GTF2E2: variants seen among roughly 807,000 people sequenced by gnomAD.
GTF2E2 encodes the protein transcription initiation factor IIE subunit beta.
In GTF2E2, 21 loss-of-function variants were observed where a neutral mutation model predicts 40.5. That is an observed-to-expected ratio of 0.52 (90% CI 0.37 to 0.75). The LOEUF (loss-of-function observed/expected upper bound fraction) is 0.75, where lower values mean the gene tolerates loss of function less well. Ranked by LOEUF, GTF2E2 falls within the 30% of genes least tolerant of loss-of-function variation. The pLI, the probability that GTF2E2 is intolerant of heterozygous loss-of-function variation, is 0.00. For missense variants in GTF2E2, 298 were observed against 338.4 expected, an observed-to-expected ratio of 0.88 and a Z score of 0.94; for synonymous variants, 117 against 121.6, an observed-to-expected ratio of 0.96 and a Z score of 0.25.
chr8:30,646,631 A>G (rs1256537547), intron 2 of GTF2E2, among the ~76,000 whole-genome samples: 3 of 152,180 alleles, frequency 2.0e-5, no homozygotes, highest in African/African-American at 7.2e-5. Flanking sequence ...ATAACAAAAA[A>G]TTGAAAATAA....
intron 2 of GTF2E2, 98 bp from the exon 3 acceptor site, chr8:30,635,221 T>C (rs1585989437): frequency 3.0e-6 from 2 of 677,284 alleles, no homozygotes; most frequent in East Asian, 5.3e-5. Context: ...TTTCTTGAGT[T>C]TTTCATCTAG....
In GTF2E2 at chr8:30,635,121, G is replaced by A; in HGVS notation, c.169C>T (p.His57Tyr). ...GSSGSKQNSD[H>Y]SNGSFNLKAL... Reference sequence around the variant, plus strand: ...TTCAAGTTAAATGATCCATTGCTATGATCTGCAAATGAAGTTCAAAATAAC... The same window carrying A: ...TTCAAGTTAAATGATCCATTGCTATAATCTGCAAATGAAGTTCAAAATAAC... Residue 57 changes from histidine (H) to tyrosine (Y), a missense_variant and splice_region_variant, in exon 3 of 8, where the codon CAT becomes TAT. By Grantham distance (83) the His-to-Tyr change is moderately conservative (BLOSUM62 2). Transcript: ENST00000355904. The A allele has an allele frequency of 6.4e-7, 1 of 1,572,056 alleles. No homozygotes were observed. Among genetic ancestry groups the A allele is most frequent in the Non-Finnish European group, 8.7e-7 (1 of 1,144,024 alleles).
intron 6 of GTF2E2, among the ~76,000 whole-genome samples, chr8:30,590,130 T>TCTG (rs1247081495): frequency 1.3e-5 from 2 of 152,170 alleles, no homozygotes; most frequent in Non-Finnish European, 2.9e-5. Flanking sequence ...CAGCCCCTGA[T>TCTG]CTGTTTCTAT....
At chr8:30,625,251 C>T (rs940835023) in intron 3 of GTF2E2, among the ~76,000 whole-genome samples, 2 of 151,960 alleles carry the variant, frequency 1.3e-5, no homozygotes, top group Non-Finnish European at 2.9e-5. Context: ...AAGGCCTTTT[C>T]TGCATCTACT....
intron 2 of GTF2E2, among the ~76,000 whole-genome samples, chr8:30,652,108 T>A (rs1356350736): frequency 6.6e-6 from 1 of 152,092 alleles, no homozygotes; most frequent in Non-Finnish European, 1.5e-5. Flanking sequence ...GAGCTAAAAC[T>A]ACAAAACTCT....
chr8:30,607,991 G>C (rs1659018112), intron 5 of GTF2E2, among the ~76,000 whole-genome samples: 1 of 152,170 alleles, frequency 6.6e-6, no homozygotes, highest in African/African-American at 2.4e-5. Flanking sequence ...TCCTTTTCAA[G>C]AGATATAAAA....
At chr8:30,580,184 C>T (rs530384186) in intron 7 of GTF2E2, 97 bp downstream of exon 7, 47 of 720,216 alleles carry the variant, frequency 6.5e-5, no homozygotes, top group East Asian at 4.2e-4. Context: ...GAAACAATGG[C>T]GGGGGAACAA....
In GTF2E2 at chr8:30,653,503, T is replaced by C; in HGVS notation, c.96A>G (p.Ser32=). 1.2e-6 allele frequency: 2 copies of C among 1,613,642 alleles called. No homozygotes were observed. Among genetic ancestry groups the C allele is most frequent in the Non-Finnish European group, 1.7e-6 (2 of 1,179,554 alleles). The change falls in exon 2 of 8, where the codon TCA becomes TCG. Residue 32 remains serine, a synonymous_variant. Coordinates refer to ENST00000355904, the MANE Select transcript of GTF2E2 (RefSeq NM_002095.6). The part of the protein sequence containing the change: ...VEKRSASSES[S]SSSSKKKKTK... ...TTTTCTTCTTCTTTGACGATGATGA[T>C]GATGACTCAGAAGATGCTGAACGTT...
chr8:30,643,806 TAAGA>T (rs1272921759), intron 2 of GTF2E2: 1 of 151,226 alleles, frequency 6.6e-6, no homozygotes, highest in Non-Finnish European at 1.5e-5. Flanking sequence ...GCAAGGCTAG[TAAGA>T]AAGAAAAAAA....
intron 3 of GTF2E2, among the ~76,000 whole-genome samples, chr8:30,620,605 A>T (rs893054225): frequency 2.6e-5 from 4 of 152,062 alleles, no homozygotes; most frequent in Admixed American, 1.3e-4. Flanking sequence ...GCACATGTAC[A>T]AACAGTAAGC....
intron 6 of GTF2E2, among the ~76,000 whole-genome samples, chr8:30,585,880 C>T (rs1380976758): frequency 4.0e-5 from 6 of 150,034 alleles, no homozygotes; most frequent in African/African-American, 1.5e-4. Flanking sequence ...AACCCAGGAG[C>T]TCAAGGCCAG....
At chr8:30,645,789 A>C (rs1233515681) in intron 2 of GTF2E2, 2 of 558,524 alleles carry the variant, frequency 3.6e-6, no homozygotes, top group Non-Finnish European at 3.1e-6. Context: ...TATACAGTAA[A>C]ACTTCATGAA....
chr8:30,625,356 G>A (rs1801240383), intron 3 of GTF2E2, among the ~76,000 whole-genome samples: 1 of 152,048 alleles, frequency 6.6e-6, no homozygotes, highest in South Asian at 2.1e-4. Flanking sequence ...ATCCCAGGGT[G>A]AAATCTAGGT....
At chr8:30,633,311 A>T (rs1251174460) in intron 3 of GTF2E2, among the ~76,000 whole-genome samples, 1 of 152,218 alleles carries the variant, frequency 6.6e-6, no homozygotes, top group Admixed American at 6.5e-5. Context: ...AAATATTCAA[A>T]GAAAAAATAA....
chr8:30,599,780 C>G (rs931661673), intron 6 of GTF2E2, among the ~76,000 whole-genome samples: 1 of 152,026 alleles, frequency 6.6e-6, no homozygotes, highest in Non-Finnish European at 1.5e-5. Flanking sequence ...GTCAAGAGAT[C>G]GAGACCATCC....
At chr8:30,630,834 C>T (rs574641884) in intron 3 of GTF2E2, among the ~76,000 whole-genome samples, 2 of 151,974 alleles carry the variant, frequency 1.3e-5, no homozygotes, top group Non-Finnish European at 2.9e-5. Flanking sequence ...TATTTTGGCC[C>T]CTGCTGGAAC....
intron 2 of GTF2E2, among the ~76,000 whole-genome samples, chr8:30,644,860 C>T (rs1255554517): frequency 1.3e-5 from 2 of 151,948 alleles, no homozygotes; most frequent in Non-Finnish European, 2.9e-5. Context: ...AAGCAATCTT[C>T]CCGGCTTAGC....
intron 5 of GTF2E2, among the ~76,000 whole-genome samples, chr8:30,611,526 C>T (rs1460172947): frequency 6.6e-6 from 1 of 151,874 alleles, no homozygotes; most frequent in Non-Finnish European, 1.5e-5. Context: ...CAAAGAAAGA[C>T]TAGAACTGAA....
intron 6 of GTF2E2, among the ~76,000 whole-genome samples, chr8:30,600,430 T>A (rs1358194273): frequency 6.6e-6 from 1 of 152,194 alleles, no homozygotes; most frequent in African/African-American, 2.4e-5. Flanking sequence ...CCAAGCACTT[T>A]TATTTATATT....
Sources: allele counts gnomAD v4.1 joint callset (sites outside exome capture counted in the v4.1 genomes callset), GRCh38; gene constraint gnomAD v4.1.1; transcripts MANE v1.5; gene names NCBI Gene and HGNC (gene_info 2026-07-23, HGNC 2026-07-21).